TRAF3: variants seen among roughly 807,000 people sequenced by gnomAD.
TRAF3 encodes the protein TNF receptor associated factor 3.
TRAF3 carries 13 observed loss-of-function variants against 62.3 expected under a neutral mutation model. The ratio of observed to expected loss-of-function variants is 0.21; its 90% confidence interval spans 0.14 to 0.33. The LOEUF is 0.33. TRAF3 is among the 10% of genes least tolerant of loss of function. TRAF3 has a pLI of 1.00. For synonymous variants in TRAF3, 269 were observed against 283.4 expected (o/e 0.95, Z 0.51); for missense variants, 440 against 741.8 (o/e 0.59, Z 4.73).
chr14:102,778,056 G>A (rs1015658757), intron 1 of TRAF3, among the ~76,000 whole-genome samples: 1 of 150,504 alleles, frequency 6.6e-6, no homozygotes, highest in African/African-American at 2.4e-5. Context: ...GTTTCACGCG[G>A]GGGGACGGGC....
chr14:102,895,391 AC>A (rs1889949493), intron 9 of TRAF3, among the ~76,000 whole-genome samples: 1 of 152,228 alleles, frequency 6.6e-6, no homozygotes, highest in Non-Finnish European at 1.5e-5. Context: ...GACTTGGCCA[AC>A]TGTGCCGAAT....
chr14:102,812,973 A>G (rs1899289509), intron 1 of TRAF3, among the ~76,000 whole-genome samples: 1 of 151,702 alleles, frequency 6.6e-6, no homozygotes, highest in Admixed American at 6.6e-5. Context: ...GTTATTATTT[A>G]TTTGTTTATT....
intron 1 of TRAF3, among the ~76,000 whole-genome samples, chr14:102,797,900 G>T (rs1898188087): frequency 6.6e-6 from 1 of 152,048 alleles, no homozygotes. Flanking sequence ...ACCACGCCTG[G>T]CTAAGTTTGT....
intron 10 of TRAF3, among the ~76,000 whole-genome samples, chr14:102,900,332 C>A (rs1043054575): frequency 6.6e-6 from 1 of 151,950 alleles, no homozygotes; most frequent in African/African-American, 2.4e-5. Context: ...GAAACCCCGT[C>A]TCTACTAAAA....
At chr14:102,856,325 T>G (rs1401361474) in intron 2 of TRAF3, among the ~76,000 whole-genome samples, 5 of 152,126 alleles carry the variant, frequency 3.3e-5, no homozygotes, top group Non-Finnish European at 7.4e-5. Context: ...ATTCATGAGT[T>G]TTATGGGAAA....
chr14:102,799,377 A>G (rs931813165), intron 1 of TRAF3, among the ~76,000 whole-genome samples: 3 of 152,234 alleles, frequency 2.0e-5, no homozygotes, highest in Non-Finnish European at 4.4e-5. Flanking sequence ...TGCAGATTCC[A>G]TTCAGTTCAT....
chr14:102,786,965 G>T (rs975901694), intron 1 of TRAF3, among the ~76,000 whole-genome samples: 2 of 152,164 alleles, frequency 1.3e-5, no homozygotes, highest in Non-Finnish European at 2.9e-5. Flanking sequence ...CCATACTTCC[G>T]CACTTTAGCC....
intron 1 of TRAF3, among the ~76,000 whole-genome samples, chr14:102,819,693 G>A (rs1459104979): frequency 6.6e-6 from 1 of 152,230 alleles, no homozygotes; most frequent in African/African-American, 2.4e-5. Flanking sequence ...GTTTGGGAAT[G>A]TGGAATTTTT....
chr14:102,828,176 A>G (rs1900439115), intron 1 of TRAF3, among the ~76,000 whole-genome samples: 1 of 152,244 alleles, frequency 6.6e-6, no homozygotes, highest in Admixed American at 6.5e-5. Context: ...TTTTTTAAAG[A>G]TTCTTTAAAA....
chr14:102,791,536 T>G (rs1033674508), intron 1 of TRAF3, among the ~76,000 whole-genome samples: 2 of 152,220 alleles, frequency 1.3e-5, no homozygotes, highest in African/African-American at 4.8e-5. Flanking sequence ...ATGTTGGTCT[T>G]ATGCCCTACA....
At chr14:102,862,447 T>A (rs1887736278) in intron 2 of TRAF3, among the ~76,000 whole-genome samples, 1 of 152,040 alleles carries the variant, frequency 6.6e-6, no homozygotes, top group African/African-American at 2.4e-5. Flanking sequence ...TTTTTTTCTT[T>A]CAGCCCTTTA....
chr14:102,836,732 G>T (rs1254473870), intron 2 of TRAF3, among the ~76,000 whole-genome samples: 3 of 152,192 alleles, frequency 2.0e-5, no homozygotes, highest in Non-Finnish European at 4.4e-5. Context: ...AATCAAAGAA[G>T]TGTTACACTA....
chr14:102,790,886 C>G (rs142449216), intron 1 of TRAF3, among the ~76,000 whole-genome samples: 1,555 of 152,136 alleles, frequency 0.01, 11 homozygotes, highest in Non-Finnish European at 0.014. Flanking sequence ...ATTTGAATAT[C>G]ACCTTTTTCA....
chr14:102,852,146 T>A (rs1408133258), intron 2 of TRAF3, among the ~76,000 whole-genome samples: 1 of 152,156 alleles, frequency 6.6e-6, no homozygotes, highest in African/African-American at 2.4e-5. Flanking sequence ...TTTATTTTAT[T>A]TTTTTTACAG....
intron 1 of TRAF3, among the ~76,000 whole-genome samples, chr14:102,789,467 T>C (rs1013858792): frequency 9.8e-6 from 1 of 102,524 alleles, no homozygotes; most frequent in Non-Finnish European, 2.6e-5. Context: ...CTAAATTTAT[T>C]TTTTTTGTTT....
chr14:102,837,723 T>C (rs921478406), intron 2 of TRAF3, among the ~76,000 whole-genome samples: 3 of 152,208 alleles, frequency 2.0e-5, no homozygotes, highest in Non-Finnish European at 2.9e-5. Context: ...TTTTGAGATA[T>C]GTATTTTGCC....
In TRAF3 at chr14:102,876,394, C is replaced by G. The variant is rs761576740; in HGVS notation, c.439C>G (p.Pro147Ala). 6 of 1,614,080 alleles carry G rather than the reference C, an allele frequency of 3.7e-6. No homozygotes were observed. The highest frequency in any genetic ancestry group is 5.1e-6 in the Non-Finnish European group (6 of 1,180,048). ...LKNDCHFEELPCVRPDCKEKV... is the reference protein window; with the variant it reads ...LKNDCHFEELACVRPDCKEKV... ...AAATGATTGCCATTTTGAAGAACTTCCATGTGTGCGTCCTGACTGCAAAGA... is the reference window on the plus strand; with the variant it reads ...AAATGATTGCCATTTTGAAGAACTTGCATGTGTGCGTCCTGACTGCAAAGA... The change falls in exon 6 of 12, where the codon CCA becomes GCA. Residue 147 changes from proline to alanine, a missense_variant. Pro to Ala is a conservative substitution (Grantham distance 27, BLOSUM62 -1). Transcript: ENST00000392745.
At chr14:102,896,535 C>T (rs1890017435) in intron 9 of TRAF3, among the ~76,000 whole-genome samples, 2 of 152,164 alleles carry the variant, frequency 1.3e-5, no homozygotes, top group African/African-American at 4.8e-5. Context: ...TTTATGACAT[C>T]TGTTTTCAGG....
At chr14:102,888,875 A>G (rs1164725243) in intron 7 of TRAF3, among the ~76,000 whole-genome samples, 1 of 152,184 alleles carries the variant, frequency 6.6e-6, no homozygotes, top group Non-Finnish European at 1.5e-5. Context: ...ACTCACCAGC[A>G]TTTGAGCTGA....
Sources: allele counts gnomAD v4.1 joint callset (sites outside exome capture counted in the v4.1 genomes callset), GRCh38; gene constraint gnomAD v4.1.1; transcripts MANE v1.5; gene names NCBI Gene and HGNC (gene_info 2026-07-23, HGNC 2026-07-21).